The following CCAR2 variants were observed in gnomAD, a reference collection of about 807,000 sequenced individuals.
CCAR2 encodes the protein cell cycle and apoptosis regulator 2.
Under a neutral mutation model 108.1 loss-of-function variants are expected in CCAR2, and 21 were observed. That is an observed-to-expected ratio of 0.19 (90% confidence interval 0.14 to 0.28). The LOEUF is 0.28. Among genes scored for constraint, CCAR2 ranks in the 10% least tolerant of loss-of-function variants. The probability of loss-of-function intolerance (pLI) is 1.00; values close to 1 mark genes in which losing one functional copy is unlikely to be tolerated. For missense variants in CCAR2, 1,126 were observed against 1,177.0 expected, an observed-to-expected ratio of 0.96 and a Z score of 0.63; for synonymous variants, 577 against 472.8, an observed-to-expected ratio of 1.22 and a Z score of -2.86.
rs200678277 is a variant in CCAR2 at position 22,607,202 on chromosome 8, C to T, written c.364C>T (p.Leu122=). ...CCTGGCTCCTGTTCTGCAGCCCCTA[C>T]TGAAGTCCCCAGCACCTCCTCTTCT... ...KVQTLSNQPL[L]KSPAPPLLHV... The change falls in exon 6 of 21, where the codon CTG becomes TTG. Residue 122 remains leucine, a synonymous_variant. Transcript: ENST00000308511. The T allele has an allele frequency of 1.9e-6, 3 of 1,613,886 alleles. No individual in the cohort carries two copies. The highest frequency in any genetic ancestry group is 2.5e-6 in the Non-Finnish European group (3 of 1,179,958).
chr8:22,613,556 C>G (rs938808909), intron 8 of CCAR2, among the ~76,000 whole-genome samples: 1 of 152,146 alleles, frequency 6.6e-6, no homozygotes, highest in Non-Finnish European at 1.5e-5. Flanking sequence ...GCTTCCATAG[C>G]TATTGCCAGT....
chr8:22,617,252 G>C, intron 14 of CCAR2, 168 bp from the exon 15 acceptor site: 2 of 754,646 alleles, frequency 2.7e-6, no homozygotes, highest in South Asian at 7.4e-5. Context: ...GCCCTGGCAT[G>C]CTCTGAATCC....
At chr8:22,621,280 AAG>A (rs1303459361), downstream of CCAR2, 17 of 1,130,268 alleles carry the variant, frequency 1.5e-5, no homozygotes, top group South Asian at 3.2e-5. Context: ...CAGGCTCAGG[AAG>A]AGTCATTCAT....
In CCAR2 at chr8:22,616,201, G is replaced by C; in HGVS notation, c.1798G>C (p.Asp600His). The change falls in exon 14 of 21, where the codon GAT becomes CAT. Residue 600 changes from aspartate to histidine, a missense_variant. Physicochemically the swap from Asp to His is moderately conservative, Grantham distance 81. This residue lies in a region of CCAR2 where 1,013 missense variants were observed against 993.9 expected (regional missense o/e 1.02). Transcript: ENST00000308511. ...AGAGGAGGTGGTCAAGGAGCCCAAG[G>C]ATGAGGCACAGAATGAGGGCCCGGC... is the stretch of plus-strand genomic sequence containing the variant. ...IKEEVVKEPK[D>H]EAQNEGPATE... The C allele has an allele frequency of 6.2e-7, 1 of 1,613,810 alleles. No individual in the cohort carries two copies. The highest frequency in any genetic ancestry group is 8.5e-7 in the Non-Finnish European group (1 of 1,180,024).
In CCAR2 at chr8:22,608,040, C is replaced by G; in HGVS notation, c.559C>G (p.His187Asp). The G allele has an allele frequency of 6.2e-7, 1 of 1,614,006 alleles. No homozygotes were observed. Among genetic ancestry groups the G allele is most frequent in the Non-Finnish European group, 8.5e-7 (1 of 1,179,990 alleles). ...HLNRFPARGP[H>D]GRLDQGRSDD... is the part of the protein sequence containing the mutation. ...GAACAGATTTCCTGCCCGGGGCCCT[C>G]ATGGACGGTTGGATCAGGGCCGAAG... is the stretch of plus-strand genomic sequence containing the variant. The change falls in exon 7 of 21, where the codon CAT (histidine) becomes GAT (aspartate). Residue 187 changes from histidine (H) to aspartate (D), a missense_variant. Transcript: ENST00000308511.
chr8:22,611,376 A>AGT (rs1231433128), intron 7 of CCAR2, among the ~76,000 whole-genome samples: 8 of 86,366 alleles, frequency 9.3e-5, no homozygotes, highest in African/African-American at 2.8e-4. Context: ...AAAAAAAAAA[A>AGT]AAAGTATATA....
chr8:22,609,823 G>A (rs1801210799), intron 7 of CCAR2, among the ~76,000 whole-genome samples: 1 of 152,140 alleles, frequency 6.6e-6, no homozygotes, highest in African/African-American at 2.4e-5. Context: ...ACGTGCTGAG[G>A]CCCATGCAAG....
intron 6 of CCAR2, among the ~76,000 whole-genome samples, 186 bp downstream of exon 6, chr8:22,607,511 AGGCT>A (rs1418034869): frequency 7.6e-6 from 1 of 131,794 alleles, no homozygotes; most frequent in Non-Finnish European, 1.5e-5. Context: ...TCTGTTGCCC[AGGCT>A]GGAGTGCAAT....
rs2291230 is a variant in CCAR2 at position 22,606,184 on chromosome 8, C to G, written c.150+8C>G. On this transcript the variant is annotated splice_region_variant and intron_variant, in intron 3 of 20. Coordinates refer to ENST00000308511, the MANE Select transcript of CCAR2 (RefSeq NM_001393997.1). The stretch of plus-strand genomic sequence containing the variant: ...AATGCCAGGCACCTTCAGGTAGGTT[C>G]GGCATCCCTTGTAGTAAGTTTCAGC... 0.37 allele frequency: 590,241 copies of G among 1,603,092 alleles called. 112,173 individuals carry two copies. Among genetic ancestry groups the G allele is most frequent in the African/African-American group, 0.57 (42,889 of 74,730 alleles).
chr8:22,612,971 A>C (rs201771993), intron 7 of CCAR2, 46 bp from the exon 8 acceptor site: 1 of 1,587,890 alleles, frequency 6.3e-7, no homozygotes, highest in East Asian at 2.3e-5. Flanking sequence ...TATTGAATAC[A>C]TATAACAATG....
rs147493596 is a variant in CCAR2, at chr8:22,610,502, G to A, written c.584+2437G>A. ...GGAAAGTGGCCACACAGTGTACAGC[G>A]TTGAGTGGACCATAACAGTTTAGCT... On this transcript the variant is annotated intron_variant, in intron 7 of 20. Transcript: ENST00000308511. Among the ~76,000 whole-genome samples, 305 of 152,356 alleles carry A rather than the reference G, an allele frequency of 2.0e-3. 1 individual carries two copies. Among genetic ancestry groups the A allele is most frequent in the African/African-American group, 6.9e-3 (286 of 41,570 alleles).
In CCAR2 at chr8:22,619,282, T is replaced by C; in HGVS notation, c.2654T>C (p.Leu885Pro). Residue 885 changes from leucine (L) to proline (P), a missense_variant, in exon 20 of 21, where the codon CTC becomes CCC. Leu to Pro is a moderately conservative substitution (Grantham distance 98). Coordinates refer to ENST00000308511, the MANE Select transcript of CCAR2 (RefSeq NM_001393997.1). ...ACGGCGGAGCGACAGAAGAGCCAGC[T>C]CCAGCGGCTGCTGCAGGAGCTCCGC... ...ARTAERQKSQ[L>P]QRLLQELRRR... The C allele has an allele frequency of 5.8e-6, 9 of 1,564,866 alleles. No individual in the cohort carries two copies. Among genetic ancestry groups the C allele is most frequent in the Non-Finnish European group, 7.8e-6 (9 of 1,155,402 alleles).
At chr8:22,607,621 C>G (rs1231174552) in intron 6 of CCAR2, among the ~76,000 whole-genome samples, 2 of 151,950 alleles carry the variant, frequency 1.3e-5, no homozygotes, top group African/African-American at 4.8e-5. Flanking sequence ...GCGCCCGCCA[C>G]CATGACCGGC....
At position 22,612,955 on chromosome 8, in the gene CCAR2, A is replaced by AGTT. The variant is rs760442792; in HGVS notation, c.585-61_585-59dup. On this transcript the variant is annotated intron_variant, in intron 7 of 20. Coordinates refer to ENST00000308511, the MANE Select transcript of CCAR2 (RefSeq NM_001393997.1). ...CGATTGTTTCCAGTTCTTTTAGTTCAGTTTGTATTGAATACATATAACAAT... is the reference window on the plus strand; with the variant it reads ...CGATTGTTTCCAGTTCTTTTAGTTCAGTTGTTTGTATTGAATACATATAACAAT... 3 of 1,509,102 alleles carry AGTT rather than the reference A, an allele frequency of 2.0e-6. No homozygotes were observed. In the Admixed American group the frequency reaches 6.5e-5, roughly 33 times the overall value. 93.5% of individuals were successfully genotyped at this position (1,509,102 alleles called of 1,614,324 possible).
chr8:22,619,733 A>AAGTT lies in CCAR2; in HGVS notation c.*52_*55dup, dbSNP rs1563931633. ...GTGAGGGCAGCGGTGGCGCCCGGCA[A>AAGTT]AGTTGGAGCCCTTGCGGTACCAGAA... On this transcript the variant is annotated 3_prime_UTR_variant, in exon 21 of 21. Transcript: ENST00000308511. 4 of 1,543,292 alleles carry AAGTT rather than the reference A, an allele frequency of 2.6e-6. No individual in the cohort carries two copies. Among genetic ancestry groups the AAGTT allele is most frequent in the East Asian group, 2.4e-5 (1 of 41,046 alleles).
intron 17 of CCAR2, 47 bp downstream of exon 17, chr8:22,618,542 A>G (rs757347272): frequency 1.2e-6 from 2 of 1,613,752 alleles, no homozygotes; most frequent in East Asian, 4.5e-5. Flanking sequence ...GCCTGCACTT[A>G]CTCCTGCTCT....
Position 22,619,437 on chromosome 8 carries a change from G to A in CCAR2, c.2727+82G>A, listed in dbSNP as rs980660390. 30 of 1,497,420 alleles carry A rather than the reference G, an allele frequency of 2.0e-5. No homozygotes were observed. The Admixed American group carries it at 4.9e-4, about 24-fold the overall frequency. 92.8% of individuals were successfully genotyped at this position (1,497,420 alleles called of 1,614,324 possible). The stretch of plus-strand genomic sequence containing the variant: ...CCCCAGAAGGGCGCTTGCCCGTGTC[G>A]GGAGTGACCAGAGGGCCAGCAGGCA... On this transcript the variant is annotated intron_variant, in intron 20 of 20. Coordinates refer to ENST00000308511, the MANE Select transcript of CCAR2 (RefSeq NM_001393997.1).
In CCAR2 at chr8:22,608,058, G is replaced by A. The variant is rs747305382; in HGVS notation, c.577G>A (p.Gly193Ser). The A allele has an allele frequency of 2.5e-6, 4 of 1,613,318 alleles. No homozygotes were observed. In the South Asian group the frequency reaches 4.4e-5, roughly 18 times the overall value. ...ARGPHGRLDQGRSDDYDSKKR... is the reference protein window; with the variant it reads ...ARGPHGRLDQSRSDDYDSKKR... ...GGGCCCTCATGGACGGTTGGATCAG[G>A]GCCGAAGGTAAGAGGATGATGTCCC... The change falls in exon 7 of 21, where the codon GGC becomes AGC. Residue 193 changes from glycine to serine, a missense_variant. Physicochemically the swap from Gly to Ser is moderately conservative, Grantham distance 56. Coordinates refer to ENST00000308511, the MANE Select transcript of CCAR2 (RefSeq NM_001393997.1).
At chr8:22,611,803 ATTTTTC>A (rs1801293492) in intron 7 of CCAR2, among the ~76,000 whole-genome samples, 1 of 152,028 alleles carries the variant, frequency 6.6e-6, no homozygotes, top group Non-Finnish European at 1.5e-5. Context: ...GCTGCTTCAT[ATTTTTC>A]CACTATGTGT....
Sources: gnomAD v4.1 joint callset for allele counts (sites outside exome capture counted in the v4.1 genomes callset) on GRCh38, gnomAD v4.1.1 for gene constraint, gnomAD v4.1.1 regional missense constraint, MANE v1.5 for transcripts, NCBI Gene and HGNC (gene_info 2026-07-23, HGNC 2026-07-21) for gene names.